The following GRIK1 variants were observed in gnomAD, a reference collection of about 807,000 sequenced individuals.
GRIK1 encodes the protein glutamate ionotropic receptor kainate type subunit 1.
GRIK1 carries 69 observed loss-of-function variants against 105.7 expected under a neutral mutation model. The observed-to-expected ratio is 0.65, with a 90% confidence interval of 0.54 to 0.80. The LOEUF is 0.80. GRIK1 is among the 30% of genes least tolerant of loss of function. The pLI, the probability that GRIK1 is intolerant of heterozygous loss-of-function variation, is 0.00. For synonymous variants in GRIK1, 438 were observed against 431.3 expected (o/e 1.02, Z -0.19); for missense variants, 1,109 against 1,167.3 (o/e 0.95, Z 0.73).
At chr21:29,835,768 G>A (rs2067782897) in intron 1 of GRIK1, among the ~76,000 whole-genome samples, 1 of 152,028 alleles carries the variant, frequency 6.6e-6, no homozygotes, top group South Asian at 2.1e-4. Context: ...ATAACCCAAT[G>A]GGCAATAATG....
chr21:29,560,299 CTTT>C (rs1183412517), intron 15 of GRIK1, among the ~76,000 whole-genome samples: 2 of 99,978 alleles, frequency 2.0e-5, no homozygotes, highest in African/African-American at 4.5e-5. Flanking sequence ...TTCTTTCTTT[CTTT>C]CTTTCTTTCT....
chr21:29,935,231 A>G (rs1170416976), intron 1 of GRIK1, among the ~76,000 whole-genome samples: 1 of 152,230 alleles, frequency 6.6e-6, no homozygotes, highest in Non-Finnish European at 1.5e-5. Context: ...AAACTCTTCA[A>G]GAATAGTATT....
chr21:29,913,585 G>A (rs1214956129), intron 1 of GRIK1, among the ~76,000 whole-genome samples: 4 of 151,318 alleles, frequency 2.6e-5, no homozygotes, highest in African/African-American at 9.7e-5. Context: ...TAGGATATGA[G>A]TATCCTTACA....
intron 1 of GRIK1, among the ~76,000 whole-genome samples, chr21:29,854,535 C>T (rs2068404391): frequency 6.6e-6 from 1 of 152,074 alleles, no homozygotes; most frequent in Admixed American, 6.6e-5. Flanking sequence ...ATTACTATGC[C>T]TGGAATGGAC....
Position 29,581,419 on chromosome 21 carries a change from G to A in GRIK1, c.1912+6C>T, listed in dbSNP as rs752240012. ...TGCGTGTGACAAAGATAGGCAACCGGTGTACCTTGCTGCATGAGAGCTCCA... is the reference window on the plus strand; with the variant it reads ...TGCGTGTGACAAAGATAGGCAACCGATGTACCTTGCTGCATGAGAGCTCCA... On this transcript the variant is annotated splice_donor_region_variant and intron_variant, in intron 13 of 17. Transcript: ENST00000327783. 6.5e-6 allele frequency: 10 copies of A among 1,539,232 alleles called. No individual in the cohort carries two copies. The highest frequency in any genetic ancestry group is 8.1e-6 in the Non-Finnish European group (9 of 1,112,220).
intron 1 of GRIK1, chr21:29,748,739 G>T (rs2065107912): frequency 6.6e-6 from 1 of 152,192 alleles, no homozygotes. Context: ...GCTACTGGTA[G>T]AAACAATTGC....
In GRIK1 at chr21:29,835,877, T is replaced by A. The variant is rs114584671; in HGVS notation, c.118+103506A>T. Among the ~76,000 whole-genome samples the A allele has an allele frequency of 7.7e-3, 1,173 of 152,314 alleles. 16 individuals carry two copies. Among genetic ancestry groups the A allele is most frequent in the African/African-American group, 0.027 (1,127 of 41,556 alleles). The stretch of plus-strand genomic sequence containing the variant: ...CAATTGCTTGGTGATTTTGGTACAG[T>A]CTGATTAGATAATTCCGGCTTAAAG... On this transcript the variant is annotated intron_variant, in intron 1 of 17. Coordinates refer to ENST00000327783, the MANE Select transcript of GRIK1 (RefSeq NM_001330994.2).
At chr21:29,849,558 A>C (rs1277267801) in intron 1 of GRIK1, among the ~76,000 whole-genome samples, 1 of 152,206 alleles carries the variant, frequency 6.6e-6, no homozygotes, top group African/African-American at 2.4e-5. Context: ...CATTAAGGAT[A>C]AGTGTAGAGT....
At chr21:29,784,011 C>A (rs1416771949) in intron 1 of GRIK1, among the ~76,000 whole-genome samples, 1 of 152,172 alleles carries the variant, frequency 6.6e-6, no homozygotes, top group Non-Finnish European at 1.5e-5. Flanking sequence ...TGGCTCACTG[C>A]AAGCTGTGCC....
chr21:29,596,190 G>A, intron 9 of GRIK1: 2 of 398,344 alleles, frequency 5.0e-6, no homozygotes, highest in South Asian at 2.1e-5. Flanking sequence ...TTAGTGATTT[G>A]AGAAGGAATA....
At position 29,541,575 on chromosome 21, in the gene GRIK1, C is replaced by CTTTTTTTTTTTTTTTTTTTTTTTTTT. The variant is rs34910439; in HGVS notation, c.2608-3692_2608-3691insAAAAAAAAAAAAAAAAAAAAAAAAAA. Among the ~76,000 whole-genome samples the CTTTTTTTTTTTTTTTTTTTTTTTTTT allele has an allele frequency of 4.9e-4, 47 of 95,966 alleles. 3 individuals carry two copies. Among genetic ancestry groups the CTTTTTTTTTTTTTTTTTTTTTTTTTT allele is most frequent in the East Asian group, 1.3e-3 (4 of 3,148 alleles). The allele number at this position is 95,966 out of a possible 152,430, so 63.0% of individuals were successfully genotyped here. ...CTATGCCATTCATTGCACTCACGGT[C>CTTTTTTTTTTTTTTTTTTTTTTTTTT]TTTTTTTTTTTTTTTTTTTTTGTGG... is the stretch of plus-strand genomic sequence containing the variant. On this transcript the variant is annotated intron_variant, in intron 16 of 17. Transcript: ENST00000327783.
rs2090915386 is a variant in GRIK1 at position 29,577,151 on chromosome 21, G to A, written c.1943C>T (p.Thr648Ile). Residue 648 changes from threonine to isoleucine, a missense_variant, in exon 14 of 18, where the codon ACC becomes ATC. Around this residue, in one of 5 missense-constraint regions of GRIK1, gnomAD observed 264 missense variants for 306.9 expected, o/e 0.86. Transcript: ENST00000327783. ...GSELMPKALS[T>I]RIVGGIWWFF... ...CCACCATATCCCTCCAACTATTCTGGTCGATAGAGCTTTGGGCATCAGCTC... is the reference window on the plus strand; with the variant it reads ...CCACCATATCCCTCCAACTATTCTGATCGATAGAGCTTTGGGCATCAGCTC... 1.2e-6 allele frequency: 2 copies of A among 1,609,948 alleles called. No individual in the cohort carries two copies. The highest frequency in any genetic ancestry group is 1.7e-6 in the Non-Finnish European group (2 of 1,176,214).
intron 1 of GRIK1, among the ~76,000 whole-genome samples, chr21:29,722,094 G>C (rs1238676736): frequency 6.6e-6 from 1 of 152,058 alleles, no homozygotes; most frequent in Non-Finnish European, 1.5e-5. Context: ...ATAAATCTCT[G>C]ACCTTGGAAG....
intron 4 of GRIK1, among the ~76,000 whole-genome samples, chr21:29,667,301 A>G (rs147713335): frequency 3.9e-5 from 6 of 152,340 alleles, no homozygotes; most frequent in South Asian, 2.1e-4. Context: ...AGCACAACAT[A>G]TATGAGGAGA....
chr21:29,801,204 C>T (rs184790933), intron 1 of GRIK1, among the ~76,000 whole-genome samples: 135 of 152,042 alleles, frequency 8.9e-4, no homozygotes, highest in African/African-American at 3.0e-3. Flanking sequence ...GCCTCCCATA[C>T]ACGCAGGCTA....
At chr21:29,930,623 T>C (rs2071534061) in intron 1 of GRIK1, among the ~76,000 whole-genome samples, 1 of 152,236 alleles carries the variant, frequency 6.6e-6, no homozygotes, top group Admixed American at 6.5e-5. Context: ...GTTACAATGC[T>C]TGCATCAATA....
intron 9 of GRIK1, among the ~76,000 whole-genome samples, chr21:29,595,203 C>T (rs1479257370): frequency 6.6e-6 from 1 of 152,046 alleles, no homozygotes; most frequent in Non-Finnish European, 1.5e-5. Context: ...GTGTGTGTGG[C>T]TCTTGCAGTT....
At chr21:29,837,687 G>T (rs2067846672) in intron 1 of GRIK1, among the ~76,000 whole-genome samples, 2 of 152,112 alleles carry the variant, frequency 1.3e-5, no homozygotes, top group African/African-American at 4.8e-5. Context: ...TAAACCAGAA[G>T]AAAATACATT....
chr21:29,860,716 T>C (rs767510261), intron 1 of GRIK1, among the ~76,000 whole-genome samples: 1 of 152,152 alleles, frequency 6.6e-6, no homozygotes, highest in South Asian at 2.1e-4. Context: ...CGTTTAAATA[T>C]TTATATATTT....
Sources: gnomAD v4.1 joint callset for allele counts (sites outside exome capture counted in the v4.1 genomes callset) on GRCh38, gnomAD v4.1.1 for gene constraint, gnomAD v4.1.1 regional missense constraint, MANE v1.5 for transcripts, NCBI Gene and HGNC (gene_info 2026-07-23, HGNC 2026-07-21) for gene names.